Variants in NETO2 observed in about 807,000 individuals in gnomAD.
NETO2 encodes the protein neuropilin and tolloid-like protein 2.
NETO2 carries 28 observed loss-of-function variants against 62.5 expected under a neutral mutation model. That is an observed-to-expected ratio of 0.45 (90% CI 0.33 to 0.61). NETO2 has a LOEUF of 0.61. NETO2 is among the 20% of genes least tolerant of loss of function. NETO2 has a pLI of 0.02. For synonymous variants in NETO2, 214 were observed against 219.1 expected (o/e 0.98, Z 0.21); for missense variants, 548 against 643.2 (o/e 0.85, Z 1.60).
intron 6 of NETO2, among the ~76,000 whole-genome samples, chr16:47,120,963 G>A (rs1313558840): frequency 6.6e-6 from 1 of 151,934 alleles, no homozygotes; most frequent in Non-Finnish European, 1.5e-5. Flanking sequence ...GCTGGAGGGA[G>A]GCGCACGTCA....
intron 1 of NETO2, among the ~76,000 whole-genome samples, chr16:47,134,731 G>T (rs1234216585): frequency 6.6e-6 from 1 of 152,156 alleles, no homozygotes. Flanking sequence ...TAAACTGAAG[G>T]CAAGACAGCA....
intron 4 of NETO2, among the ~76,000 whole-genome samples, chr16:47,125,171 A>T (rs1465299427): frequency 6.6e-6 from 1 of 152,214 alleles, no homozygotes; most frequent in East Asian, 1.9e-4. Flanking sequence ...TAATGTTTCA[A>T]TTACTTCAGT....
Position 47,099,849 on chromosome 16 carries a change from C to G in NETO2, c.883+9634G>C, listed in dbSNP as rs546035303. On this transcript the variant is annotated intron_variant, in intron 7 of 8. Coordinates refer to ENST00000562435, the MANE Select transcript of NETO2 (RefSeq NM_018092.5). ...CCTACAAAGAGACTTAAGACTCCCACACAATAATAGTGAAAGACTTTAACA... is the reference window on the plus strand; with the variant it reads ...CCTACAAAGAGACTTAAGACTCCCAGACAATAATAGTGAAAGACTTTAACA... Among the ~76,000 whole-genome samples the G allele has an allele frequency of 3.3e-5, 5 of 152,264 alleles. No homozygotes were observed. In the East Asian group the frequency reaches 5.8e-4, roughly 18 times the overall value.
rs1381795069 is a variant in NETO2, at chr16:47,083,761, A to C, written c.1038T>G (p.Thr346=). The change falls in exon 9 of 9, where the codon ACT becomes ACG. Residue 346 remains threonine, a synonymous_variant. Transcript: ENST00000562435. ...AAGTAATGCCAATAATTGTTCCATG[A>C]GTCTTAGTGATTTGTTCAAATACTC... is the stretch of plus-strand genomic sequence containing the variant. ...KAGVFEQITK[T]HGTIIGITSG... is the part of the protein sequence containing the mutation. 8 of 1,607,714 alleles carry C rather than the reference A, an allele frequency of 5.0e-6. No individual in the cohort carries two copies. Among genetic ancestry groups the C allele is most frequent in the Non-Finnish European group, 5.1e-6 (6 of 1,175,200 alleles).
rs1294416505 is a variant in NETO2, at chr16:47,109,511, AAACCT to A, written c.850_854del (p.Arg284SerfsTer21). 1 of 1,613,946 alleles carries A rather than the reference AAACCT, an allele frequency of 6.2e-7. No individual in the cohort carries two copies. The highest frequency in any genetic ancestry group is 8.5e-7 in the Non-Finnish European group (1 of 1,179,936). On this transcript the variant is annotated frameshift_variant, in exon 7 of 9. Transcript: ENST00000562435. LOFTEE classifies it high-confidence loss of function. ...CCACAAAGGAAGTAAAGAGCATTCG[AAACCT>A]GCTAAGCCGACTACCTTCATCTGCC...
chr16:47,135,069 G>C (rs2151493643), intron 1 of NETO2, among the ~76,000 whole-genome samples: 1 of 152,332 alleles, frequency 6.6e-6, no homozygotes, highest in South Asian at 2.1e-4. Flanking sequence ...GGGATAGAAA[G>C]ATGTACTGAT....
chr16:47,095,928 T>C (rs954718599), intron 7 of NETO2, among the ~76,000 whole-genome samples: 1 of 152,192 alleles, frequency 6.6e-6, no homozygotes, highest in Non-Finnish European at 1.5e-5. Flanking sequence ...CAAGTCTTAA[T>C]ATATTTTAAA....
chr16:47,083,257 T>G lies in NETO2; in HGVS notation c.1542A>C (p.Glu514Asp), dbSNP rs752284765. Residue 514 changes from glutamate to aspartate, a missense_variant, in exon 9 of 9, where the codon GAA (glutamate) becomes GAC (aspartate). By Grantham distance (45) the Glu-to-Asp change is conservative (BLOSUM62 2). Transcript: ENST00000562435. ...TGGATATGGATGCTTGTGCAGAATC[T>G]TCTCGCCCCCTGACATAAATTTCAC... ...IPCEIYVRGREDSAQASISID... is the reference protein window; with the variant it reads ...IPCEIYVRGRDDSAQASISID... The G allele has an allele frequency of 6.2e-7, 1 of 1,613,674 alleles. No homozygotes were observed. Among genetic ancestry groups the G allele is most frequent in the Admixed American group, 1.7e-5 (1 of 59,984 alleles).
At chr16:47,097,353 T>C (rs900781073) in intron 7 of NETO2, among the ~76,000 whole-genome samples, 3 of 152,172 alleles carry the variant, frequency 2.0e-5, no homozygotes, top group African/African-American at 7.2e-5. Context: ...GCATCTGCCA[T>C]GACTGAGGCT....
At chr16:47,127,555 G>T (rs11859615) in intron 4 of NETO2, among the ~76,000 whole-genome samples, 14,073 of 152,232 alleles carry the variant, frequency 0.092, 1,212 homozygotes, top group African/African-American at 0.23. Flanking sequence ...TGAGACTGAG[G>T]TGATGCAGCC....
At chr16:47,092,960 T>C (rs1963344197) in intron 7 of NETO2, among the ~76,000 whole-genome samples, 1 of 152,200 alleles carries the variant, frequency 6.6e-6, no homozygotes. Flanking sequence ...TTGAATCCTG[T>C]GGATTCCGTT....
intron 1 of NETO2, among the ~76,000 whole-genome samples, chr16:47,135,418 C>CA (rs1473286184): frequency 6.6e-6 from 1 of 152,158 alleles, no homozygotes; most frequent in African/African-American, 2.4e-5. Context: ...GAAATCTACA[C>CA]AAAAATAATT....
chr16:47,100,384 T>G (rs1228587731), intron 7 of NETO2, among the ~76,000 whole-genome samples: 1 of 151,654 alleles, frequency 6.6e-6, no homozygotes, highest in Non-Finnish European at 1.5e-5. Flanking sequence ...CACCCTAACA[T>G]CACAATTAAA....
At chr16:47,103,101 T>G (rs878881212) in intron 7 of NETO2, among the ~76,000 whole-genome samples, 6 of 152,180 alleles carry the variant, frequency 3.9e-5, no homozygotes, top group Admixed American at 3.9e-4. Context: ...CATGGAATAC[T>G]ATGCAGCCAT....
At position 47,082,426 on chromosome 16, in the gene NETO2, T is replaced by C. The variant is rs983775517; in HGVS notation, c.*795A>G. 6.6e-6 allele frequency: 1 copy of C among 152,248 alleles called. No homozygotes were observed. Among genetic ancestry groups the C allele is most frequent in the African/African-American group, 2.4e-5 (1 of 41,468 alleles). The allele number at this position is 152,248 out of a possible 1,614,324, so 9.4% of individuals were successfully genotyped here. A position where few individuals can be genotyped will look rare whatever the true frequency, so the allele number is the denominator to read the frequency against. On this transcript the variant is annotated 3_prime_UTR_variant, in exon 9 of 9. Coordinates refer to ENST00000562435, the MANE Select transcript of NETO2 (RefSeq NM_018092.5). ...CTGAATGTGACTATACTTGGTAAAC[T>C]TCAAAGGCTTGCTAGAAATTTTTAT...
At chr16:47,097,254 T>G (rs1220570702) in intron 7 of NETO2, among the ~76,000 whole-genome samples, 1 of 152,132 alleles carries the variant, frequency 6.6e-6, no homozygotes, top group Non-Finnish European at 1.5e-5. Flanking sequence ...ACGGGGCCCT[T>G]CAGACGAAGA....
Position 47,143,643 on chromosome 16 carries a change from G to A in NETO2, c.-31C>T. On this transcript the variant is annotated 5_prime_UTR_variant, in exon 1 of 9. Transcript: ENST00000562435. ...CGAGCTGCCCGGCGCTTCGCGAAGG[G>A]CTGAGGTAGCGGCGGCGGTGGCTCG... 1.6e-6 allele frequency: 2 copies of A among 1,220,008 alleles called. No homozygotes were observed. Among genetic ancestry groups the A allele is most frequent in the Non-Finnish European group, 1.0e-6 (1 of 977,506 alleles). The allele number at this position is 1,220,008 out of a possible 1,614,324, so 75.6% of individuals were successfully genotyped here.
At chr16:47,088,828 C>G (rs755930870) in intron 7 of NETO2, among the ~76,000 whole-genome samples, 1 of 152,104 alleles carries the variant, frequency 6.6e-6, no homozygotes, top group Non-Finnish European at 1.5e-5. Flanking sequence ...ATCTGCCTTA[C>G]CCACTTTGTC....
At chr16:47,089,977 G>A (rs1474461485) in intron 7 of NETO2, among the ~76,000 whole-genome samples, 2 of 151,986 alleles carry the variant, frequency 1.3e-5, no homozygotes. Flanking sequence ...CACAAAAACG[G>A]GATGCAGGAA....
Sources: gnomAD v4.1 joint callset for allele counts (sites outside exome capture counted in the v4.1 genomes callset) on GRCh38, gnomAD v4.1.1 for gene constraint, MANE v1.5 for transcripts, NCBI Gene and HGNC (gene_info 2026-07-23, HGNC 2026-07-21) for gene names.